The following PTPRN2 variants were observed in gnomAD, a reference collection of about 807,000 sequenced individuals.
PTPRN2 encodes the protein receptor-type tyrosine-protein phosphatase N2.
A neutral mutation model predicts 118.8 loss-of-function variants in PTPRN2; 74 were observed. The ratio of observed to expected loss-of-function variants is 0.62; its 90% CI spans 0.52 to 0.76. PTPRN2 has a LOEUF of 0.76. Among genes scored for constraint, PTPRN2 ranks in the 30% least tolerant of loss-of-function variants. The probability of loss-of-function intolerance (pLI) is 0.00; values close to 1 mark genes in which losing one functional copy is unlikely to be tolerated. For synonymous variants in PTPRN2, 641 were observed against 608.0 expected, an observed-to-expected ratio of 1.05 and a Z score of -0.80; for missense variants, 1,481 against 1,394.4, an observed-to-expected ratio of 1.06 and a Z score of -0.99.
In PTPRN2 at chr7:157,598,427, C is replaced by T. The variant is rs953036730; in HGVS notation, c.2419-3112G>A. 2.0e-5 allele frequency among the ~76,000 whole-genome samples: 3 copies of T among 146,870 alleles called. No individual in the cohort carries two copies. The South Asian group carries it at 6.5e-4, about 32-fold the overall frequency. ...CTCAGGGAGTGAGGAGCTTGGACGT[C>T]GGCGTCTCCGGGCCTCAGTCTCCAT... On this transcript the variant is annotated intron_variant, in intron 16 of 22. Transcript: ENST00000389418. This position sits in a 1 kb window ranked among gnomAD's most constrained non-coding sequence, Gnocchi z 5.2.
At chr7:157,597,284 A>G (rs1021243050) in intron 16 of PTPRN2, among the ~76,000 whole-genome samples, 3 of 152,256 alleles carry the variant, frequency 2.0e-5, no homozygotes, top group Non-Finnish European at 4.4e-5. Flanking sequence ...CACACAATAC[A>G]GGTAAAATTA....
intron 4 of PTPRN2, among the ~76,000 whole-genome samples, chr7:158,195,151 C>T (rs1228109940): frequency 1.3e-5 from 2 of 152,142 alleles, no homozygotes; most frequent in Non-Finnish European, 2.9e-5. Flanking sequence ...TGTCCTTCAG[C>T]GTCTGTATTT....
intron 9 of PTPRN2, among the ~76,000 whole-genome samples, chr7:158,132,038 TACAC>T (rs778466774): frequency 2.9e-4 from 42 of 145,064 alleles, no homozygotes; most frequent in African/African-American, 1.0e-3. Flanking sequence ...TATACACTCA[TACAC>T]ACACAAATAT....
At chr7:158,299,095 G>C (rs904116642) in intron 3 of PTPRN2, among the ~76,000 whole-genome samples, 1 of 152,172 alleles carries the variant, frequency 6.6e-6, no homozygotes, top group Non-Finnish European at 1.5e-5. Flanking sequence ...GGTGAGCGAT[G>C]ATGTCAGTGC....
intron 21 of PTPRN2, among the ~76,000 whole-genome samples, chr7:157,568,401 C>T (rs561968550): frequency 1.3e-5 from 2 of 152,188 alleles, no homozygotes; most frequent in African/African-American, 2.4e-5. Context: ...CTGAAAGGCT[C>T]ATTTGAGAGG....
intron 1 of PTPRN2, among the ~76,000 whole-genome samples, chr7:158,571,206 C>T (rs1343331258): frequency 6.6e-6 from 1 of 151,816 alleles, no homozygotes; most frequent in Non-Finnish European, 1.5e-5. Context: ...TATTTCTGGC[C>T]AGGCACAGTG....
At chr7:157,857,472 A>G (rs991596497) in intron 12 of PTPRN2, 4 of 152,198 alleles carry the variant, frequency 2.6e-5, no homozygotes, top group African/African-American at 9.7e-5. Context: ...TCGGCGCGTG[A>G]TGGAGGAGCC....
In PTPRN2 at chr7:158,134,035, C is replaced by T. The variant is rs146255697; in HGVS notation, c.1198G>A (p.Gly400Arg). 103 of 1,613,550 alleles carry T rather than the reference C, an allele frequency of 6.4e-5. No homozygotes were observed. The highest frequency in any genetic ancestry group is 1.2e-4 in the Admixed American group (7 of 59,988). The change falls in exon 9 of 23, where the codon GGG becomes AGG. Residue 400 changes from glycine (G) to arginine (R), a missense_variant. Coordinates refer to ENST00000389418, the MANE Select transcript of PTPRN2 (RefSeq NM_002847.5). ...GACCCGTGGTCCTGCAGGAGGCCCC[C>T]GAGTGTGGCACTCAGACGATGGACC... ...QEVHRLSATL[G>R]GLLQDHGSRL... is the part of the protein sequence containing the mutation.
intron 11 of PTPRN2, among the ~76,000 whole-genome samples, chr7:158,005,059 G>C (rs1401552704): frequency 6.7e-6 from 1 of 149,824 alleles, no homozygotes; most frequent in Non-Finnish European, 1.5e-5. Flanking sequence ...CCTGCGGTCT[G>C]AGCTGTGTGG....
At chr7:157,635,454 C>T (rs1804252382) in intron 14 of PTPRN2, among the ~76,000 whole-genome samples, 1 of 152,252 alleles carries the variant, frequency 6.6e-6, no homozygotes, top group Non-Finnish European at 1.5e-5. Flanking sequence ...GCCATGAAGG[C>T]GTTTCGGACA....
At chr7:158,407,226 T>C (rs1291121820) in intron 2 of PTPRN2, among the ~76,000 whole-genome samples, 2,355 of 24,704 alleles carry the variant, frequency 0.095, 230 homozygotes, top group East Asian at 0.25. Flanking sequence ...TCCTGCGTCC[T>C]GGGTCCTGGG....
chr7:157,601,393 C>T (rs1231076372), intron 16 of PTPRN2, among the ~76,000 whole-genome samples: 1 of 151,916 alleles, frequency 6.6e-6, no homozygotes, highest in Non-Finnish European at 1.5e-5. Flanking sequence ...TCAGCTATTT[C>T]ATAAAGAAGA....
chr7:158,145,083 A>C (rs1351369789), intron 6 of PTPRN2, among the ~76,000 whole-genome samples: 1 of 150,202 alleles, frequency 6.7e-6, no homozygotes, highest in Non-Finnish European at 1.5e-5. Context: ...AGAAGGTTCC[A>C]GAATACCACG....
intron 1 of PTPRN2, among the ~76,000 whole-genome samples, chr7:158,571,521 ATTTCTTTTTTTTT>A (rs1276765275): frequency 1.7e-5 from 2 of 119,666 alleles, no homozygotes; most frequent in Non-Finnish European, 3.4e-5. Flanking sequence ...ACACACACCT[ATTTCTTTTTTTTT>A]TTTTTTTTTT....
chr7:158,027,150 C>T (rs1191993498), intron 11 of PTPRN2, among the ~76,000 whole-genome samples: 1 of 152,188 alleles, frequency 6.6e-6, no homozygotes, highest in African/African-American at 2.4e-5. Flanking sequence ...GGAAAGTGCC[C>T]AGCCACAGCC....
chr7:157,917,740 G>A (rs1798487234), intron 11 of PTPRN2, among the ~76,000 whole-genome samples: 1 of 152,154 alleles, frequency 6.6e-6, no homozygotes, highest in South Asian at 2.1e-4. Flanking sequence ...GCGTGGTCCT[G>A]GACAAACTGC....
intron 11 of PTPRN2, among the ~76,000 whole-genome samples, chr7:157,917,955 G>T (rs930803053): frequency 6.6e-6 from 1 of 152,088 alleles, no homozygotes. Flanking sequence ...ATTTGACTAA[G>T]ATTTTTTTGT....
At chr7:158,414,921 C>G (rs1814525680) in intron 2 of PTPRN2, among the ~76,000 whole-genome samples, 2 of 152,184 alleles carry the variant, frequency 1.3e-5, no homozygotes, top group Non-Finnish European at 2.9e-5. Context: ...GGACAAAAGC[C>G]TGCAAGGAAA....
In PTPRN2 at chr7:157,545,200, T is replaced by TAG. The variant is rs1238123425; in HGVS notation, c.2976+3745_2976+3746insCT. On this transcript the variant is annotated intron_variant, in intron 22 of 22. Coordinates refer to ENST00000389418, the MANE Select transcript of PTPRN2 (RefSeq NM_002847.5). ...TGGTGTTTGTGGGTGTCTGTGGGTG[T>TAG]GTGTGCAATGTGTGGGTGTGCGCAG... Among the ~76,000 whole-genome samples the TAG allele has an allele frequency of 2.7e-3, 386 of 145,274 alleles. 1 individual carries two copies. Among genetic ancestry groups the TAG allele is most frequent in the African/African-American group, 9.5e-3 (366 of 38,576 alleles).
Sources: allele counts gnomAD v4.1 joint callset (sites outside exome capture counted in the v4.1 genomes callset), GRCh38; gene constraint gnomAD v4.1.1; non-coding constraint Gnocchi (gnomAD v3.1); transcripts MANE v1.5; gene names NCBI Gene and HGNC (gene_info 2026-07-23, HGNC 2026-07-21).